CNTN1: variants seen among roughly 807,000 people sequenced by gnomAD.
The protein encoded by CNTN1 is contactin-1.
In CNTN1, 38 loss-of-function variants were observed where a neutral mutation model predicts 126.4. The observed-to-expected ratio is 0.30, with a 90% CI of 0.23 to 0.39. The LOEUF (loss-of-function observed/expected upper bound fraction) is 0.39, where lower values mean the gene tolerates loss of function less well. Among genes scored for constraint, CNTN1 ranks in the 10% least tolerant of loss-of-function variants. The probability of loss-of-function intolerance (pLI) is 1.00; values close to 1 mark genes in which losing one functional copy is unlikely to be tolerated. For missense variants in CNTN1, 1,009 were observed against 1,248.4 expected, an observed-to-expected ratio of 0.81 and a Z score of 2.89; for synonymous variants, 413 against 422.6, an observed-to-expected ratio of 0.98 and a Z score of 0.28.
At chr12:40,844,708 T>C (rs1041710618) in intron 1 of CNTN1, among the ~76,000 whole-genome samples, 3 of 152,118 alleles carry the variant, frequency 2.0e-5, no homozygotes, top group African/African-American at 4.8e-5. Context: ...ATTCTTGCTG[T>C]CTAAGGACCT....
chr12:40,718,003 A>AT (rs1157626640), intron 1 of CNTN1, among the ~76,000 whole-genome samples: 2 of 152,054 alleles, frequency 1.3e-5, no homozygotes, highest in African/African-American at 2.4e-5. Flanking sequence ...TTAAGTTTTA[A>AT]TTTTTTCTCA....
chr12:40,970,656 G>T (rs1477900767), intron 15 of CNTN1, among the ~76,000 whole-genome samples: 1 of 152,082 alleles, frequency 6.6e-6, no homozygotes, highest in African/African-American at 2.4e-5. Flanking sequence ...ACATACTGTT[G>T]TTAAATGATT....
intron 17 of CNTN1, among the ~76,000 whole-genome samples, chr12:41,000,427 G>A (rs1353385441): frequency 1.3e-5 from 2 of 152,028 alleles, no homozygotes; most frequent in African/African-American, 4.8e-5. Flanking sequence ...AGTTATAGGG[G>A]TAAAAGAGTT....
intron 1 of CNTN1, among the ~76,000 whole-genome samples, chr12:40,791,132 T>A (rs1192075180): frequency 6.6e-6 from 1 of 152,164 alleles, no homozygotes; most frequent in Non-Finnish European, 1.5e-5. Context: ...TTTCACAAAT[T>A]TAATATTTGC....
At chr12:40,911,956 T>C (rs1435836848) in intron 3 of CNTN1, among the ~76,000 whole-genome samples, 1 of 151,932 alleles carries the variant, frequency 6.6e-6, no homozygotes, top group Non-Finnish European at 1.5e-5. Flanking sequence ...GAAGAGGAGC[T>C]GATTAGTCAA....
intron 1 of CNTN1, among the ~76,000 whole-genome samples, chr12:40,798,464 A>G (rs376967153): frequency 6.6e-6 from 1 of 152,000 alleles, no homozygotes; most frequent in African/African-American, 2.4e-5. Flanking sequence ...AATGCAAAGG[A>G]AGTTCTTTAG....
At chr12:40,924,512 A>C (rs1361456941) in intron 5 of CNTN1, 45 bp from the exon 6 acceptor site, 1 of 1,006,782 alleles carries the variant, frequency 9.9e-7, no homozygotes, top group Admixed American at 1.8e-5. Context: ...CTCTCTTTCT[A>C]TTGACCAGAG....
At chr12:40,900,695 G>C (rs903866424) in intron 1 of CNTN1, among the ~76,000 whole-genome samples, 1 of 152,186 alleles carries the variant, frequency 6.6e-6, no homozygotes, top group Non-Finnish European at 1.5e-5. Flanking sequence ...CACTGTTTTA[G>C]CAAGCAAGAT....
chr12:40,777,687 C>T (rs534721128), intron 1 of CNTN1, among the ~76,000 whole-genome samples: 56 of 151,864 alleles, frequency 3.7e-4, no homozygotes, highest in African/African-American at 1.3e-3. Flanking sequence ...TCTGATATGT[C>T]GTGTTCTAAG....
At position 41,052,405 on chromosome 12, in the gene CNTN1, T is replaced by A. The variant is rs545842320; in HGVS notation, c.2981-17554T>A. Among the ~76,000 whole-genome samples, 9 of 152,342 alleles carry A rather than the reference T, an allele frequency of 5.9e-5. No homozygotes were observed. The South Asian group carries it at 1.9e-3, about 32-fold the overall frequency. On this transcript the variant is annotated intron_variant, in intron 23 of 23. Transcript: ENST00000551295. ...TTACTTTAAAATGTCTGAATATATATGCAGTGGCTTTAAAAAGTGCCTGGA... is the reference window on the plus strand; with the variant it reads ...TTACTTTAAAATGTCTGAATATATAAGCAGTGGCTTTAAAAAGTGCCTGGA...
chr12:40,848,717 T>G, intron 1 of CNTN1, among the ~76,000 whole-genome samples: 1 of 152,164 alleles, frequency 6.6e-6, no homozygotes, highest in East Asian at 1.9e-4. Context: ...GCAAAGGTAC[T>G]TGGTCTTTAG....
At chr12:40,862,452 A>T (rs1000924698) in intron 1 of CNTN1, among the ~76,000 whole-genome samples, 1 of 152,102 alleles carries the variant, frequency 6.6e-6, no homozygotes, top group Non-Finnish European at 1.5e-5. Flanking sequence ...CTGTAGTCTG[A>T]CAAAAATAAA....
At position 41,027,897 on chromosome 12, in the gene CNTN1, T is replaced by C. The variant is rs1442725540; in HGVS notation, c.2751T>C (p.Ser917=). 5 of 1,613,848 alleles carry C rather than the reference T, an allele frequency of 3.1e-6. No individual in the cohort carries two copies. The highest frequency in any genetic ancestry group is 4.2e-6 in the Non-Finnish European group (5 of 1,179,854). The change falls in exon 22 of 24, where the codon TCT becomes TCC. Residue 917 remains serine (S), a synonymous_variant. Coordinates refer to ENST00000551295, the MANE Select transcript of CNTN1 (RefSeq NM_001843.4). ...QPPRIISSVR[S]GSRYIITWDH... is the part of the protein sequence containing the mutation. ...CAAGGATCATCAGTTCAGTAAGGTC[T>C]GGTTCACGCTATATAATCACCTGGG... is the stretch of plus-strand genomic sequence containing the variant.
chr12:41,046,313 C>G (rs1365588406), intron 23 of CNTN1, among the ~76,000 whole-genome samples: 1 of 152,098 alleles, frequency 6.6e-6, no homozygotes, highest in Non-Finnish European at 1.5e-5. Flanking sequence ...TCATGAATTT[C>G]TAACTGAAAT....
chr12:40,819,756 A>G (rs953335326), intron 1 of CNTN1, among the ~76,000 whole-genome samples: 3 of 152,192 alleles, frequency 2.0e-5, no homozygotes, highest in Non-Finnish European at 2.9e-5. Context: ...GGCTGTAAGA[A>G]TCTGCACGTT....
intron 1 of CNTN1, among the ~76,000 whole-genome samples, chr12:40,774,458 A>T (rs1207604197): frequency 1.3e-5 from 2 of 151,714 alleles, no homozygotes; most frequent in Non-Finnish European, 3.0e-5. Context: ...GAAATTTGCA[A>T]TCTCACAAGA....
intron 5 of CNTN1, among the ~76,000 whole-genome samples, chr12:40,923,153 T>C (rs1182865184): frequency 6.6e-6 from 1 of 152,020 alleles, no homozygotes; most frequent in East Asian, 1.9e-4. Context: ...CCCTAATATT[T>C]AACTTCTAAT....
chr12:40,867,833 T>C (rs1048183279), intron 1 of CNTN1, among the ~76,000 whole-genome samples: 1 of 151,818 alleles, frequency 6.6e-6, no homozygotes, highest in Non-Finnish European at 1.5e-5. Context: ...TAAAATGGAG[T>C]CACACTGGTT....
chr12:40,832,750 A>C (rs575004462), intron 1 of CNTN1, among the ~76,000 whole-genome samples: 14 of 152,286 alleles, frequency 9.2e-5, no homozygotes, highest in African/African-American at 3.4e-4. Flanking sequence ...CTTGCCCCTG[A>C]GTACATTTTT....
Sources: allele counts gnomAD v4.1 joint callset (sites outside exome capture counted in the v4.1 genomes callset), GRCh38; gene constraint gnomAD v4.1.1; transcripts MANE v1.5; gene names NCBI Gene and HGNC (gene_info 2026-07-23, HGNC 2026-07-21).